SYN3: variants seen among roughly 807,000 people sequenced by gnomAD.
SYN3 encodes the protein synapsin-3.
SYN3 carries 35 observed loss-of-function variants against 65.8 expected under a neutral mutation model. That is an observed-to-expected ratio of 0.53 (90% CI 0.41 to 0.70). The LOEUF (loss-of-function observed/expected upper bound fraction) is 0.70, where lower values mean the gene tolerates loss of function less well. Among genes scored for constraint, SYN3 ranks in the 30% least tolerant of loss-of-function variants. The pLI, the probability that SYN3 is intolerant of heterozygous loss-of-function variation, is 0.00. For synonymous variants in SYN3, 270 were observed against 292.9 expected (o/e 0.92, Z 0.80); for missense variants, 680 against 749.0 (o/e 0.91, Z 1.08).
Position 32,648,047 on chromosome 22 carries a change from T to C in SYN3, c.712-51311A>G, listed in dbSNP as rs80067586. Among the ~76,000 whole-genome samples, 247 of 152,070 alleles carry C rather than the reference T, an allele frequency of 1.6e-3. 3 individuals carry two copies. The East Asian group carries it at 0.041, about 25-fold the overall frequency. ...CTTTTAGAAAAGTTTTTGTAGGGAT[T>C]GGGGGGGTGTCTCACCACATTGCCT... On this transcript the variant is annotated intron_variant, in intron 6 of 13. Coordinates refer to ENST00000358763, the MANE Select transcript of SYN3 (RefSeq NM_003490.4).
chr22:32,639,522 G>A (rs1223011111), intron 6 of SYN3, among the ~76,000 whole-genome samples: 5 of 152,068 alleles, frequency 3.3e-5, no homozygotes, highest in African/African-American at 1.2e-4. Flanking sequence ...TTTCATGTTT[G>A]TGAATTAAGT....
chr22:32,833,756 C>T (rs937331594), intron 6 of SYN3: 12 of 496,502 alleles, frequency 2.4e-5, no homozygotes, highest in African/African-American at 8.0e-5. Flanking sequence ...TTACAGGCCT[C>T]GATTTCTAAA....
rs534649763 is a variant in SYN3, at chr22:32,603,759, C to T, written c.712-7023G>A. The stretch of plus-strand genomic sequence containing the variant: ...TGCCGGCTATTTTCTCTCTTCCCTT[C>T]CCAACAATAGCTTTATTTAGTTCCC... On this transcript the variant is annotated intron_variant, in intron 6 of 13. Transcript: ENST00000358763. 4.6e-5 allele frequency among the ~76,000 whole-genome samples: 7 copies of T among 152,282 alleles called. No homozygotes were observed. The East Asian group carries it at 1.4e-3, about 30-fold the overall frequency.
At chr22:32,666,121 A>T (rs1389267089) in intron 6 of SYN3, among the ~76,000 whole-genome samples, 2 of 152,168 alleles carry the variant, frequency 1.3e-5, no homozygotes, top group African/African-American at 2.4e-5. Flanking sequence ...CCTTCAAAAT[A>T]CATTCAGAAT....
chr22:32,766,402 C>A (rs2045628808), intron 6 of SYN3, among the ~76,000 whole-genome samples: 1 of 152,198 alleles, frequency 6.6e-6, no homozygotes, highest in Non-Finnish European at 1.5e-5. Context: ...CCACAACAAC[C>A]TGTTCAATCA....
intron 12 of SYN3, among the ~76,000 whole-genome samples, chr22:32,520,120 T>C (rs1019854144): frequency 6.6e-6 from 1 of 152,094 alleles, no homozygotes; most frequent in African/African-American, 2.4e-5. Flanking sequence ...AGTGTGTGTG[T>C]GCGTGTATAT....
intron 6 of SYN3, among the ~76,000 whole-genome samples, chr22:32,615,189 G>T (rs1381580023): frequency 6.6e-6 from 1 of 151,856 alleles, no homozygotes; most frequent in Non-Finnish European, 1.5e-5. Context: ...CCAGACTTTG[G>T]GATCCACCGC....
intron 3 of SYN3, among the ~76,000 whole-genome samples, chr22:32,970,664 T>C (rs2051993355): frequency 6.6e-6 from 1 of 152,036 alleles, no homozygotes; most frequent in Non-Finnish European, 1.5e-5. Flanking sequence ...AGAGAAACTA[T>C]GCAGGAATAA....
chr22:32,606,957 C>G (rs917884889), intron 6 of SYN3, among the ~76,000 whole-genome samples: 8 of 151,838 alleles, frequency 5.3e-5, no homozygotes, highest in African/African-American at 1.9e-4. Context: ...GTGCTGCACC[C>G]ATTAACTCGT....
chr22:32,842,060 C>T (rs931498204), intron 6 of SYN3, among the ~76,000 whole-genome samples: 1 of 152,058 alleles, frequency 6.6e-6, no homozygotes, highest in Non-Finnish European at 1.5e-5. Context: ...GGGGAGGCTG[C>T]CTAGGTTATT....
intron 6 of SYN3, among the ~76,000 whole-genome samples, chr22:32,789,043 C>T (rs1602151021): frequency 6.6e-6 from 1 of 152,246 alleles, no homozygotes; most frequent in Admixed American, 6.5e-5. Context: ...GATTGCTGGG[C>T]CCCCCTCCAG....
At chr22:32,956,817 T>C (rs1157212183) in intron 3 of SYN3, among the ~76,000 whole-genome samples, 1 of 152,200 alleles carries the variant, frequency 6.6e-6, no homozygotes, top group African/African-American at 2.4e-5. Flanking sequence ...TGCTGGATTG[T>C]ACAGTAATTC....
intron 2 of SYN3, among the ~76,000 whole-genome samples, chr22:32,983,680 G>A (rs535176993): frequency 6.6e-6 from 1 of 152,108 alleles, no homozygotes; most frequent in Non-Finnish European, 1.5e-5. Flanking sequence ...CATGCAAAGA[G>A]AATCTTTTCA....
chr22:32,987,188 C>G (rs1012737717), intron 2 of SYN3, among the ~76,000 whole-genome samples: 1 of 152,062 alleles, frequency 6.6e-6, no homozygotes, highest in African/African-American at 2.4e-5. Context: ...AGGCCACCCC[C>G]ACTGGGGGTG....
At chr22:32,979,812 T>C (rs918289982) in intron 3 of SYN3, among the ~76,000 whole-genome samples, 10 of 152,036 alleles carry the variant, frequency 6.6e-5, no homozygotes, top group African/African-American at 2.2e-4. Flanking sequence ...GATGAAGAAA[T>C]TGAACTGGAG....
At chr22:32,710,098 C>CACA (rs71320948) in intron 6 of SYN3, among the ~76,000 whole-genome samples, 1 of 129,534 alleles carries the variant, frequency 7.7e-6, no homozygotes, top group Non-Finnish European at 1.7e-5. Context: ...CACACACACA[C>CACA]ATGTGTGTGT....
intron 6 of SYN3, among the ~76,000 whole-genome samples, chr22:32,637,081 A>G (rs142040441): frequency 2.2e-4 from 33 of 152,156 alleles, no homozygotes; most frequent in African/African-American, 7.2e-4. Context: ...ACAAAAATGA[A>G]TCTTTACTGA....
rs556985696 is a variant in SYN3 at position 33,025,788 on chromosome 22, TGA to T, written c.-162-18966_-162-18965del. Among the ~76,000 whole-genome samples, 8 of 152,344 alleles carry T rather than the reference TGA, an allele frequency of 5.3e-5. No individual in the cohort carries two copies. In the East Asian group the frequency reaches 9.6e-4, roughly 18 times the overall value. On this transcript the variant is annotated intron_variant, in intron 1 of 13. Transcript: ENST00000358763. Reference sequence around the variant, plus strand: ...CCCCCAAGGTCTACAGTTTGCCAAGTGAGTTTTCAGTTCTCCCAGTAGAAGCT... The same window carrying T: ...CCCCCAAGGTCTACAGTTTGCCAAGTGTTTTCAGTTCTCCCAGTAGAAGCT...
At chr22:32,979,772 G>C (rs2052317333) in intron 3 of SYN3, among the ~76,000 whole-genome samples, 1 of 152,146 alleles carries the variant, frequency 6.6e-6, no homozygotes, top group Middle Eastern at 3.2e-3. Flanking sequence ...TATGAACACA[G>C]GCTGATGCTA....
Sources: allele counts gnomAD v4.1 joint callset (sites outside exome capture counted in the v4.1 genomes callset), GRCh38; gene constraint gnomAD v4.1.1; transcripts MANE v1.5; gene names NCBI Gene and HGNC (gene_info 2026-07-23, HGNC 2026-07-21).